Variants in BATF observed in about 807,000 individuals in gnomAD.
The protein encoded by BATF is basic leucine zipper ATF-like transcription factor, also known as basic leucine zipper transcriptional factor ATF-like.
A neutral mutation model predicts 13.7 loss-of-function variants in BATF; 5 were observed. The ratio of observed to expected loss-of-function variants is 0.36; its 90% CI spans 0.19 to 0.77. The LOEUF is 0.77. Ranked by LOEUF, BATF falls within the 30% of genes least tolerant of loss-of-function variation. The probability of loss-of-function intolerance (pLI) is 0.51; values close to 1 mark genes in which losing one functional copy is unlikely to be tolerated. For missense variants in BATF, 124 were observed against 163.0 expected (o/e 0.76, Z 1.30); for synonymous variants, 72 against 67.5 (o/e 1.07, Z -0.33).
At chr14:75,538,486 G>A (rs1368883180) in intron 2 of BATF, among the ~76,000 whole-genome samples, 1 of 152,234 alleles carries the variant, frequency 6.6e-6, no homozygotes, top group East Asian at 1.9e-4. Context: ...TATCAGGTCT[G>A]TACCTGAATA....
intron 2 of BATF, among the ~76,000 whole-genome samples, chr14:75,531,116 G>A (rs547952095): frequency 3.3e-5 from 5 of 152,154 alleles, no homozygotes; most frequent in East Asian, 1.9e-4. Flanking sequence ...CTTCCATCAC[G>A]ACATGGAAGA....
chr14:75,536,724 A>AAAATAAAATAAAATAAAATC (rs1887824792), intron 2 of BATF, among the ~76,000 whole-genome samples: 1 of 143,180 alleles, frequency 7.0e-6, no homozygotes, highest in African/African-American at 2.8e-5. Context: ...TCCTGTCTTT[A>AAAATAAAATAAAATAAAATC]AAATAAAATA....
At chr14:75,522,844 G>C (rs908951940) in intron 1 of BATF, 99 bp downstream of exon 1, 1 of 1,471,710 alleles carries the variant, frequency 6.8e-7, no homozygotes, top group African/African-American at 1.4e-5. Context: ...GAGGATGGAG[G>C]AAGTGGCTCG....
intron 2 of BATF, among the ~76,000 whole-genome samples, chr14:75,534,430 G>A (rs1887789418): frequency 6.6e-6 from 1 of 152,190 alleles, no homozygotes; most frequent in East Asian, 1.9e-4. Context: ...GTTGGGGATT[G>A]TCCTGTGCCT....
rs557938586 is a variant in BATF, at chr14:75,541,272, G to A, written c.169-5190G>A. On this transcript the variant is annotated intron_variant, in intron 2 of 2. Coordinates refer to ENST00000286639, the MANE Select transcript of BATF (RefSeq NM_006399.5). The stretch of plus-strand genomic sequence containing the variant: ...GGGACCCCAGTGTGTGGATGAGGTT[G>A]AGAATCATTGTTTTGGTCCAGTCTT... 1.5e-4 allele frequency among the ~76,000 whole-genome samples: 23 copies of A among 152,334 alleles called. No individual in the cohort carries two copies. The South Asian group carries it at 4.8e-3, about 32-fold the overall frequency.
rs192071916 is a variant in BATF, at chr14:75,528,474, C to T, written c.168+3286C>T. On this transcript the variant is annotated intron_variant, in intron 2 of 2. Transcript: ENST00000286639. ...AAAAATTGACAGAGTAGGGAGAGAG[C>T]CTCTTTTTATGATTGTGTTATAAAT... is the stretch of plus-strand genomic sequence containing the variant. Among the ~76,000 whole-genome samples the T allele has an allele frequency of 3.7e-4, 56 of 152,292 alleles. No individual in the cohort carries two copies. In the South Asian group the frequency reaches 0.011, roughly 30 times the overall value.
At chr14:75,531,448 G>A (rs935678416) in intron 2 of BATF, among the ~76,000 whole-genome samples, 1 of 152,182 alleles carries the variant, frequency 6.6e-6, no homozygotes, top group Non-Finnish European at 1.5e-5. Flanking sequence ...GCCCTGAGCC[G>A]AGCTGTTGAC....
At chr14:75,524,898 G>C (rs1297645595) in intron 1 of BATF, among the ~76,000 whole-genome samples, 186 bp from the exon 2 acceptor site, 1 of 151,758 alleles carries the variant, frequency 6.6e-6, no homozygotes, top group Non-Finnish European at 1.5e-5. Flanking sequence ...ACCTGGGAAT[G>C]TGTAAGCAGG....
At chr14:75,524,679 T>G (rs1475695745) in intron 1 of BATF, among the ~76,000 whole-genome samples, 2 of 151,448 alleles carry the variant, frequency 1.3e-5, no homozygotes, top group African/African-American at 4.9e-5. Context: ...CAACAAAGTC[T>G]GAAAAAAAGA....
chr14:75,545,362 C>T (rs1195892795), intron 2 of BATF, among the ~76,000 whole-genome samples: 2 of 150,178 alleles, frequency 1.3e-5, no homozygotes, highest in East Asian at 1.9e-4. Flanking sequence ...GCTGGGATTA[C>T]AGGTGTGCAC....
At chr14:75,543,469 C>CT (rs1268009293) in intron 2 of BATF, among the ~76,000 whole-genome samples, 1 of 152,144 alleles carries the variant, frequency 6.6e-6, no homozygotes, top group Non-Finnish European at 1.5e-5. Context: ...AAGACCCCCC[C>CT]CAGGATGTGG....
At position 75,546,563 on chromosome 14, in the gene BATF, G is replaced by A; in HGVS notation, c.270G>A (p.Glu90=). 1 of 1,614,142 alleles carries A rather than the reference G, an allele frequency of 6.2e-7. No individual in the cohort carries two copies. The highest frequency in any genetic ancestry group is 2.2e-5 in the East Asian group (1 of 44,880). The change falls in exon 3 of 3, where the codon GAG becomes GAA. Residue 90 remains glutamate (E), a synonymous_variant. Transcript: ENST00000286639. ...KYFTSVLNSH[E]PLCSVLAAST... ...TCACGTCGGTGCTGAACAGCCACGA[G>A]CCCCTGTGCTCGGTGCTGGCCGCCA...
intron 2 of BATF, among the ~76,000 whole-genome samples, chr14:75,541,742 C>A (rs1887899782): frequency 6.6e-6 from 1 of 152,218 alleles, no homozygotes; most frequent in East Asian, 1.9e-4. Context: ...TGGCTCACTG[C>A]AACTTCTGCC....
intron 2 of BATF, among the ~76,000 whole-genome samples, chr14:75,539,708 G>T (rs992503190): frequency 1.3e-5 from 2 of 152,008 alleles, no homozygotes; most frequent in African/African-American, 2.4e-5. Flanking sequence ...GAAAGTGAAG[G>T]TTCCTCCAGA....
At chr14:75,527,727 A>C (rs528814608) in intron 2 of BATF, among the ~76,000 whole-genome samples, 3 of 152,188 alleles carry the variant, frequency 2.0e-5, no homozygotes, top group Non-Finnish European at 4.4e-5. Flanking sequence ...TCATATAGTC[A>C]ACATATCCAT....
chr14:75,522,942 TG>T (rs1887595331), intron 1 of BATF, among the ~76,000 whole-genome samples, 197 bp downstream of exon 1: 1 of 152,208 alleles, frequency 6.6e-6, no homozygotes, highest in Non-Finnish European at 1.5e-5. Flanking sequence ...CCACCCATTC[TG>T]CCAAAGCCCC....
chr14:75,533,926 G>T (rs1780745452), intron 2 of BATF, among the ~76,000 whole-genome samples: 1 of 152,124 alleles, frequency 6.6e-6, no homozygotes, highest in Admixed American at 6.5e-5. Context: ...CCACTTTGCT[G>T]AACAGAGCTT....
Position 75,546,786 on chromosome 14 carries a change from A to T in BATF, c.*115A>T. The T allele has an allele frequency of 7.6e-7, 1 of 1,319,816 alleles. No homozygotes were observed. Among genetic ancestry groups the T allele is most frequent in the South Asian group, 1.3e-5 (1 of 75,278 alleles). 81.8% of individuals were successfully genotyped at this position (1,319,816 alleles called of 1,614,324 possible). On this transcript the variant is annotated 3_prime_UTR_variant, in exon 3 of 3. Transcript: ENST00000286639. ...GAGACCCGGAGACAGAGGCCTGGAC[A>T]AGGAGTGAACACGGGAACTGTCACG... is the stretch of plus-strand genomic sequence containing the variant.
chr14:75,528,915 GGAA>G (rs1887691431), intron 2 of BATF, among the ~76,000 whole-genome samples: 1 of 152,098 alleles, frequency 6.6e-6, no homozygotes. Flanking sequence ...AACAGCAAAT[GGAA>G]GGAAGGAATA....
Sources: allele counts gnomAD v4.1 joint callset (sites outside exome capture counted in the v4.1 genomes callset), GRCh38; gene constraint gnomAD v4.1.1; transcripts MANE v1.5; gene names NCBI Gene and HGNC (gene_info 2026-07-23, HGNC 2026-07-21).